The following THSD4 variants were observed in gnomAD, a reference collection of about 807,000 sequenced individuals.
THSD4 encodes the protein thrombospondin type-1 domain-containing protein 4.
THSD4 carries 69 observed loss-of-function variants against 119.0 expected under a neutral mutation model. The ratio of observed to expected loss-of-function variants is 0.58; its 90% CI spans 0.48 to 0.71. THSD4 has a LOEUF of 0.71. Ranked by LOEUF, THSD4 falls within the 30% of genes least tolerant of loss-of-function variation. THSD4 has a pLI of 0.00. For synonymous variants in THSD4, 524 were observed against 540.4 expected, an observed-to-expected ratio of 0.97 and a Z score of 0.42; for missense variants, 1,393 against 1,391.1, an observed-to-expected ratio of 1.00 and a Z score of -0.02.
In THSD4 at chr15:71,731,106, T is replaced by G. The variant is rs1169437787; in HGVS notation, c.1534-15T>G. The G allele has an allele frequency of 6.2e-7, 1 of 1,613,820 alleles. No homozygotes were observed. On this transcript the variant is annotated splice_polypyrimidine_tract_variant and intron_variant, in intron 9 of 17. Transcript: ENST00000261862. ...TACGTGCCAAGTGCGGTAACACTGA[T>G]TTTTGTGTCAGCAGATGATACACCA...
chr15:71,357,205 G>A (rs1913768), intron 6 of THSD4, among the ~76,000 whole-genome samples: 21,241 of 152,170 alleles, frequency 0.14, 1,533 homozygotes, highest in South Asian at 0.2. Flanking sequence ...CTGGCCCCAC[G>A]GCTTGTGATA....
intron 4 of THSD4, among the ~76,000 whole-genome samples, chr15:71,241,097 T>C (rs1256482937): frequency 2.0e-5 from 3 of 152,228 alleles, no homozygotes; most frequent in African/African-American, 7.2e-5. Flanking sequence ...AGGGCAGAAA[T>C]CAATGTTTCA....
At chr15:71,546,894 G>C (rs1031462503) in intron 7 of THSD4, among the ~76,000 whole-genome samples, 5 of 152,186 alleles carry the variant, frequency 3.3e-5, no homozygotes, top group Admixed American at 6.5e-5. Flanking sequence ...GCCCAGAGCG[G>C]ACTGGCAACT....
At chr15:71,346,529 C>T (rs2045662301) in intron 6 of THSD4, among the ~76,000 whole-genome samples, 1 of 152,242 alleles carries the variant, frequency 6.6e-6, no homozygotes, top group Admixed American at 6.5e-5. Flanking sequence ...ATCTCCATCA[C>T]TCTTTGAGCA....
intron 7 of THSD4, among the ~76,000 whole-genome samples, chr15:71,519,363 T>C (rs956297029): frequency 1.3e-5 from 2 of 152,168 alleles, no homozygotes; most frequent in Admixed American, 1.3e-4. Context: ...ATTGTTTTTT[T>C]CTTTTTCTTT....
intron 3 of THSD4, among the ~76,000 whole-genome samples, chr15:71,160,486 A>G (rs1034318201): frequency 6.6e-6 from 1 of 152,032 alleles, no homozygotes; most frequent in African/African-American, 2.4e-5. Flanking sequence ...TACTGATTCA[A>G]CTTCCTTATA....
chr15:71,700,847 G>T (rs2052273422), intron 8 of THSD4, among the ~76,000 whole-genome samples: 1 of 151,942 alleles, frequency 6.6e-6, no homozygotes, highest in Non-Finnish European at 1.5e-5. Flanking sequence ...AAAAAATAAT[G>T]TTAGATCTCT....
chr15:71,528,138 T>C (rs35932918), intron 7 of THSD4, among the ~76,000 whole-genome samples: 40,851 of 152,002 alleles, frequency 0.27, 6,447 homozygotes, highest in Middle Eastern at 0.43. Context: ...CTTTCCAGAG[T>C]GTTTATTATT....
chr15:71,597,871 A>G (rs567798019), intron 7 of THSD4, among the ~76,000 whole-genome samples: 1 of 152,268 alleles, frequency 6.6e-6, no homozygotes, highest in East Asian at 1.9e-4. Context: ...TGTCAGCCCC[A>G]AAGGAAGTGA....
intron 8 of THSD4, among the ~76,000 whole-genome samples, chr15:71,689,698 T>A (rs2052004124): frequency 6.6e-6 from 1 of 152,176 alleles, no homozygotes; most frequent in South Asian, 2.1e-4. Flanking sequence ...TCTGCATCCA[T>A]AAAATGGAAC....
intron 1 of THSD4, among the ~76,000 whole-genome samples, chr15:71,103,273 CTG>C (rs1340663551): frequency 6.6e-6 from 1 of 152,020 alleles, no homozygotes; most frequent in Non-Finnish European, 1.5e-5. Flanking sequence ...CAGATCAGTC[CTG>C]TGTGTGTGCC....
At chr15:71,167,665 C>G (rs1393019505) in intron 3 of THSD4, among the ~76,000 whole-genome samples, 1 of 152,182 alleles carries the variant, frequency 6.6e-6, no homozygotes, top group Non-Finnish European at 1.5e-5. Flanking sequence ...GCAAAATCTA[C>G]TCACAATCTT....
At chr15:71,568,738 C>A (rs1413514970) in intron 7 of THSD4, among the ~76,000 whole-genome samples, 3 of 152,192 alleles carry the variant, frequency 2.0e-5, no homozygotes, top group Non-Finnish European at 4.4e-5. Context: ...TATCCCTCCC[C>A]CTTCCCCCGA....
At chr15:71,611,336 A>G (rs1390969235) in intron 7 of THSD4, among the ~76,000 whole-genome samples, 2 of 152,206 alleles carry the variant, frequency 1.3e-5, no homozygotes, top group Admixed American at 6.5e-5. Flanking sequence ...GGATGTAAAA[A>G]TAATGCCATT....
chr15:71,465,784 G>A (rs560063260), intron 7 of THSD4, among the ~76,000 whole-genome samples: 1 of 152,304 alleles, frequency 6.6e-6, no homozygotes, highest in African/African-American at 2.4e-5. Flanking sequence ...GAGAGAGGAA[G>A]GCACTGGAAA....
chr15:71,466,857 C>T (rs1336457394), intron 7 of THSD4, among the ~76,000 whole-genome samples: 3 of 152,240 alleles, frequency 2.0e-5, no homozygotes, highest in Non-Finnish European at 4.4e-5. Flanking sequence ...TCTAGCTACA[C>T]TGGACTGGGC....
chr15:71,372,349 G>A (rs989853646), intron 6 of THSD4, among the ~76,000 whole-genome samples: 18 of 152,320 alleles, frequency 1.2e-4, no homozygotes, highest in Middle Eastern at 3.4e-3. Flanking sequence ...GAGGGGGAGA[G>A]GCACTCTGAT....
chr15:71,449,161 A>G (rs2047230048), intron 7 of THSD4, among the ~76,000 whole-genome samples: 1 of 152,184 alleles, frequency 6.6e-6, no homozygotes, highest in African/African-American at 2.4e-5. Context: ...ATCACAGAGG[A>G]CACTCAGTTG....
At chr15:71,669,697 T>C (rs2051485011) in intron 8 of THSD4, among the ~76,000 whole-genome samples, 1 of 152,216 alleles carries the variant, frequency 6.6e-6, no homozygotes, top group South Asian at 2.1e-4. Context: ...CTAGGTACGT[T>C]CAGTTGCTTT....
Sources: allele counts gnomAD v4.1 joint callset (sites outside exome capture counted in the v4.1 genomes callset), GRCh38; gene constraint gnomAD v4.1.1; transcripts MANE v1.5; gene names NCBI Gene and HGNC (gene_info 2026-07-23, HGNC 2026-07-21).